DTD1: variants seen among roughly 807,000 people sequenced by gnomAD.
The protein encoded by DTD1 is D-tyrosyl-tRNA deacylase 1 homolog.
DTD1 carries 13 observed loss-of-function variants against 25.6 expected under a neutral mutation model. The ratio of observed to expected loss-of-function variants is 0.51; its 90% confidence interval spans 0.33 to 0.81. DTD1 has a LOEUF of 0.81. DTD1 is among the 30% of genes least tolerant of loss of function. DTD1 has a pLI of 0.02. For synonymous variants in DTD1, 110 were observed against 103.6 expected, an observed-to-expected ratio of 1.06 and a Z score of -0.37; for missense variants, 193 against 266.4, an observed-to-expected ratio of 0.72 and a Z score of 1.92.
intron 3 of DTD1, among the ~76,000 whole-genome samples, chr20:18,624,215 G>A (rs747217909): frequency 1.4e-4 from 22 of 152,088 alleles, no homozygotes; most frequent in Non-Finnish European, 2.9e-4. Context: ...TTCCCAAGCC[G>A]TGTCCAGCCA....
Position 18,749,699 on chromosome 20 carries a change from C to T in DTD1, c.*19+5428C>T, listed in dbSNP as rs1224752002. 6.6e-6 allele frequency among the ~76,000 whole-genome samples: 1 copy of T among 152,316 alleles called. No individual in the cohort carries two copies. Among genetic ancestry groups the T allele is most frequent in the South Asian group, 2.1e-4 (1 of 4,826 alleles). On this transcript the variant is annotated intron_variant, in intron 5 of 5. Coordinates refer to ENST00000377452, the MANE Select transcript of DTD1 (RefSeq NM_080820.6). This position sits in a 1 kb window ranked among gnomAD's most constrained non-coding sequence, Gnocchi z 4.2. Reference sequence around the variant, plus strand: ...GAGACACCAAACTTCAAGTAGCCCACCGTCCCTCAGTGGTGCAGTGTCAGG... The same window carrying T: ...GAGACACCAAACTTCAAGTAGCCCATCGTCCCTCAGTGGTGCAGTGTCAGG...
intron 4 of DTD1, among the ~76,000 whole-genome samples, chr20:18,694,338 C>G (rs559801062): frequency 6.6e-6 from 1 of 152,298 alleles, no homozygotes; most frequent in East Asian, 1.9e-4. Context: ...TCATATTTTA[C>G]AAATGGGGAG....
chr20:18,663,355 T>C (rs1334248354), intron 4 of DTD1, among the ~76,000 whole-genome samples: 2 of 145,062 alleles, frequency 1.4e-5, no homozygotes, highest in Admixed American at 1.4e-4. Flanking sequence ...TCTGTATCTA[T>C]AAAAAAAAAA....
intron 4 of DTD1, among the ~76,000 whole-genome samples, chr20:18,644,817 G>A (rs2060844481): frequency 6.6e-6 from 1 of 152,166 alleles, no homozygotes; most frequent in South Asian, 2.1e-4. Context: ...GAGGAGGAAA[G>A]GAATCAGGTC....
intron 3 of DTD1, among the ~76,000 whole-genome samples, chr20:18,596,567 T>G (rs2060612484): frequency 6.6e-6 from 1 of 152,152 alleles, no homozygotes; most frequent in Admixed American, 6.5e-5. Context: ...AAGCCTCAAA[T>G]GTGAGCCAAA....
intron 4 of DTD1, 87 bp downstream of exon 4, chr20:18,628,320 A>G: frequency 2.0e-6 from 2 of 1,000,916 alleles, no homozygotes; most frequent in Non-Finnish European, 3.0e-6. Context: ...GTCTGAGGAA[A>G]TACATCATTG....
At chr20:18,634,954 A>G (rs2060801296) in intron 4 of DTD1, among the ~76,000 whole-genome samples, 3 of 152,302 alleles carry the variant, frequency 2.0e-5, no homozygotes, top group African/African-American at 4.8e-5. Context: ...CTCTGAATAT[A>G]AGGAAGAATT....
chr20:18,640,679 G>T (rs1410527500), intron 4 of DTD1, among the ~76,000 whole-genome samples: 1 of 149,262 alleles, frequency 6.7e-6, no homozygotes, highest in Non-Finnish European at 1.5e-5. Flanking sequence ...CACCCAGGCT[G>T]GAGTACAGTG....
At chr20:18,632,833 ATG>A (rs373571755) in intron 4 of DTD1, 28 of 248,338 alleles carry the variant, frequency 1.1e-4, no homozygotes, top group African/African-American at 3.7e-4. Context: ...ATGTGTGTGT[ATG>A]TGTGTGTGTA....
At chr20:18,616,399 G>T (rs969117798) in intron 3 of DTD1, among the ~76,000 whole-genome samples, 1 of 152,094 alleles carries the variant, frequency 6.6e-6, no homozygotes, top group Non-Finnish European at 1.5e-5. Context: ...GTCTTTTCGT[G>T]ATTTCATTGA....
intron 4 of DTD1, among the ~76,000 whole-genome samples, chr20:18,719,997 A>G (rs940122492): frequency 2.6e-5 from 4 of 152,232 alleles, no homozygotes; most frequent in Non-Finnish European, 5.9e-5. Flanking sequence ...TTACAGAACA[A>G]ACAGATAATG....
In DTD1 at chr20:18,766,185, T is replaced by C. The variant is rs1050500062; in HGVS notation, c.*2845T>C. The stretch of plus-strand genomic sequence containing the variant: ...TATATATGGACAATTTGGCATTTCA[T>C]TGATTTGATCATAAGGAACAAATAG... On this transcript the variant is annotated 3_prime_UTR_variant, in exon 6 of 6. Coordinates refer to ENST00000377452, the MANE Select transcript of DTD1 (RefSeq NM_080820.6). 6.6e-6 allele frequency: 1 copy of C among 152,248 alleles called. No homozygotes were observed. Among genetic ancestry groups the C allele is most frequent in the African/African-American group, 2.4e-5 (1 of 41,468 alleles). 9.4% of individuals were successfully genotyped at this position (152,248 alleles called of 1,614,324 possible). A position where few individuals can be genotyped will look rare whatever the true frequency, so the allele number is the denominator to read the frequency against.
chr20:18,740,025 G>C (rs575707974), intron 4 of DTD1, among the ~76,000 whole-genome samples: 1 of 150,458 alleles, frequency 6.6e-6, no homozygotes, highest in Non-Finnish European at 1.5e-5. Context: ...CTCGGTGGGA[G>C]GGGATAGGGT....
rs55766733 is a variant in DTD1 at position 18,649,326 on chromosome 20, C to CTTTTTTTTTTTTTTTTTTTTTTTTTT, written c.477+21098_477+21123dup. Among the ~76,000 whole-genome samples, 8 of 57,650 alleles carry CTTTTTTTTTTTTTTTTTTTTTTTTTT rather than the reference C, an allele frequency of 1.4e-4. 2 individuals carry two copies. The highest frequency in any genetic ancestry group is 2.1e-4 in the African/African-American group (3 of 14,448). The allele number at this position is 57,650 out of a possible 152,430, so 37.8% of individuals were successfully genotyped here. ...TGGGCTTTCTCAGCCATTCATCTTT[C>CTTTTTTTTTTTTTTTTTTTTTTTTTT]TTTTTTTTTTTTTTTTTTTTTTTTT... On this transcript the variant is annotated intron_variant, in intron 4 of 5. Coordinates refer to ENST00000377452, the MANE Select transcript of DTD1 (RefSeq NM_080820.6).
intron 4 of DTD1, among the ~76,000 whole-genome samples, chr20:18,713,510 C>CTGCT (rs1322260074): frequency 6.6e-6 from 1 of 152,314 alleles, no homozygotes; most frequent in Non-Finnish European, 1.5e-5. Flanking sequence ...ATTGGTTGAG[C>CTGCT]TGCTCAGTGT....
rs1365602099 is a variant in DTD1 at position 18,721,719 on chromosome 20, C to T, written c.478-22381C>T. On this transcript the variant is annotated intron_variant, in intron 4 of 5. Coordinates refer to ENST00000377452, the MANE Select transcript of DTD1 (RefSeq NM_080820.6). The stretch of plus-strand genomic sequence containing the variant: ...TTGTGGGAAGTTTTTTTTCCTCCCA[C>T]TTTCAAAGCCAGGCTTGTTTCCTAT... 2.6e-5 allele frequency among the ~76,000 whole-genome samples: 4 copies of T among 152,156 alleles called. No individual in the cohort carries two copies. The East Asian group carries it at 7.7e-4, about 29-fold the overall frequency.
At chr20:18,701,410 T>C (rs1277171364) in intron 4 of DTD1, among the ~76,000 whole-genome samples, 1 of 152,252 alleles carries the variant, frequency 6.6e-6, no homozygotes, top group Admixed American at 6.5e-5. Context: ...TTCCTAATGA[T>C]TCATTACGTC....
chr20:18,680,387 T>G (rs2060992049), intron 4 of DTD1, among the ~76,000 whole-genome samples: 1 of 149,456 alleles, frequency 6.7e-6, no homozygotes, highest in South Asian at 2.2e-4. Flanking sequence ...AGAGACACTC[T>G]TTATCACAGT....
intron 4 of DTD1, among the ~76,000 whole-genome samples, chr20:18,658,722 A>T (rs1197067176): frequency 1.3e-5 from 2 of 152,258 alleles, no homozygotes. Flanking sequence ...CATGACTGAC[A>T]TATAAATGTT....
Sources: allele counts gnomAD v4.1 joint callset (sites outside exome capture counted in the v4.1 genomes callset), GRCh38; gene constraint gnomAD v4.1.1; non-coding constraint Gnocchi (gnomAD v3.1); transcripts MANE v1.5; gene names NCBI Gene and HGNC (gene_info 2026-07-23, HGNC 2026-07-21).